DDC: variants seen among roughly 807,000 people sequenced by gnomAD.
The protein encoded by DDC is dopa decarboxylase.
DDC carries 43 observed loss-of-function variants against 60.0 expected under a neutral mutation model. That is an observed-to-expected ratio of 0.72 (90% CI 0.56 to 0.92). The LOEUF (loss-of-function observed/expected upper bound fraction) is 0.92, where lower values mean the gene tolerates loss of function less well. Among genes scored for constraint, DDC ranks in the 40% least tolerant of loss-of-function variants. The pLI, the probability that DDC is intolerant of heterozygous loss-of-function variation, is 0.00. For synonymous variants in DDC, 232 were observed against 234.6 expected, an observed-to-expected ratio of 0.99 and a Z score of 0.10; for missense variants, 573 against 620.2, an observed-to-expected ratio of 0.92 and a Z score of 0.81.
rs907758922 is a variant in DDC, at chr7:50,565,403, C to T, written c.-147G>A. 6.6e-6 allele frequency: 1 copy of T among 152,244 alleles called. No homozygotes were observed. Among genetic ancestry groups the T allele is most frequent in the Non-Finnish European group, 1.5e-5 (1 of 68,068 alleles). 9.4% of individuals were successfully genotyped at this position (152,244 alleles called of 1,614,324 possible). ...ACTCGGCACTGAGACAGTCACTCTTCTTGAAACTCCAAGCCACACGTTTCC... is the reference window on the plus strand; with the variant it reads ...ACTCGGCACTGAGACAGTCACTCTTTTTGAAACTCCAAGCCACACGTTTCC... On this transcript the variant is annotated 5_prime_UTR_variant, in exon 1 of 15. Coordinates refer to ENST00000444124, the MANE Select transcript of DDC (RefSeq NM_001082971.2).
Position 50,499,067 on chromosome 7 carries a change from G to A in DDC, c.876+81C>T, listed in dbSNP as rs1022033630. ...AACAAACCTCAATAGCAAGAGACTG[G>A]ACGTCAGCTCCTCATGAAGGGAGAG... On this transcript the variant is annotated intron_variant, in intron 8 of 14. Transcript: ENST00000444124. 66 of 1,094,906 alleles carry A rather than the reference G, an allele frequency of 6.0e-5. 1 individual carries two copies. Among genetic ancestry groups the A allele is most frequent in the Middle Eastern group, 2.0e-4 (1 of 5,102 alleles). 67.8% of individuals were successfully genotyped at this position (1,094,906 alleles called of 1,614,324 possible). A position where few individuals can be genotyped will look rare whatever the true frequency, so the allele number is the denominator to read the frequency against.
intron 1 of DDC, among the ~76,000 whole-genome samples, chr7:50,563,200 G>T (rs1362516973): frequency 6.6e-6 from 1 of 150,766 alleles, no homozygotes; most frequent in Non-Finnish European, 1.5e-5. Flanking sequence ...GACATACATA[G>T]CAATATTTGC....
At chr7:50,483,580 G>A (rs2042816431) in intron 9 of DDC, among the ~76,000 whole-genome samples, 2 of 152,092 alleles carry the variant, frequency 1.3e-5, no homozygotes, top group African/African-American at 4.8e-5. Flanking sequence ...TAAGTTTCCT[G>A]CAGTTTAGGA....
chr7:50,510,668 CAA>C (rs71018473), intron 6 of DDC, among the ~76,000 whole-genome samples: 1,773 of 99,630 alleles, frequency 0.018, 49 homozygotes, highest in African/African-American at 0.062. Context: ...GACTCCATCT[CAA>C]AAAAAAAAAA....
intron 1 of DDC, among the ~76,000 whole-genome samples, chr7:50,555,801 C>G (rs953382428): frequency 6.6e-6 from 1 of 152,114 alleles, no homozygotes; most frequent in Admixed American, 6.5e-5. Flanking sequence ...ACAACTGAAC[C>G]AAGACTCCAC....
intron 1 of DDC, among the ~76,000 whole-genome samples, chr7:50,560,439 G>A (rs1486479029): frequency 6.6e-6 from 1 of 152,046 alleles, no homozygotes; most frequent in African/African-American, 2.4e-5. Context: ...CTCATTTATT[G>A]AGCACCTATT....
At chr7:50,551,685 T>G (rs1159697821) in intron 1 of DDC, among the ~76,000 whole-genome samples, 1 of 152,232 alleles carries the variant, frequency 6.6e-6, no homozygotes, top group African/African-American at 2.4e-5. Flanking sequence ...AATATACTAA[T>G]AATTCTACTC....
rs537512494 is a variant in DDC at position 50,557,715 on chromosome 7, C to T, written c.-29+7570G>A. Among the ~76,000 whole-genome samples the T allele has an allele frequency of 3.3e-5, 5 of 152,308 alleles. No homozygotes were observed. In the South Asian group the frequency reaches 1.0e-3, roughly 32 times the overall value. On this transcript the variant is annotated intron_variant, in intron 1 of 14. Coordinates refer to ENST00000444124, the MANE Select transcript of DDC (RefSeq NM_001082971.2). ...CAGCACCGTCATGAGTAGATGCCAC[C>T]CCACCATCACCATATAGGTCGCACC...
At position 50,548,148 on chromosome 7, in the gene DDC, C is replaced by T. The variant is rs946386979; in HGVS notation, c.-28-4035G>A. On this transcript the variant is annotated intron_variant, in intron 1 of 14. Transcript: ENST00000444124. ...CTGACTGAACCACTGACCCATTATT[C>T]GCCTGTCTTTCTTCCTTTCCTTGGG... 3.9e-5 allele frequency among the ~76,000 whole-genome samples: 6 copies of T among 152,174 alleles called. No individual in the cohort carries two copies. The South Asian group carries it at 1.2e-3, about 32-fold the overall frequency.
At chr7:50,489,530 C>T (rs1488169692) in intron 9 of DDC, among the ~76,000 whole-genome samples, 2 of 152,142 alleles carry the variant, frequency 1.3e-5, no homozygotes, top group African/African-American at 2.4e-5. Flanking sequence ...ATACCAAGTC[C>T]AGCTAAATCT....
At chr7:50,469,651 A>G (rs181332177) in intron 12 of DDC, among the ~76,000 whole-genome samples, 112 of 152,212 alleles carry the variant, frequency 7.4e-4, no homozygotes, top group Admixed American at 1.6e-3. Flanking sequence ...AACCCAAACT[A>G]CAGTCTGGTT....
At chr7:50,479,059 A>G (rs2042710258) in intron 10 of DDC, among the ~76,000 whole-genome samples, 1 of 152,226 alleles carries the variant, frequency 6.6e-6, no homozygotes, top group Non-Finnish European at 1.5e-5. Flanking sequence ...TTTTGGTTCT[A>G]GTTCAACGCC....
intron 12 of DDC, among the ~76,000 whole-genome samples, chr7:50,468,237 T>C (rs540193272): frequency 6.6e-6 from 1 of 152,312 alleles, no homozygotes; most frequent in African/African-American, 2.4e-5. Flanking sequence ...TCATGGGCGA[T>C]CCCGAAAGCC....
intron 11 of DDC, among the ~76,000 whole-genome samples, chr7:50,475,814 G>A (rs568238168): frequency 2.6e-5 from 4 of 151,972 alleles, no homozygotes; most frequent in African/African-American, 4.8e-5. Flanking sequence ...CTCAGCCTCC[G>A]GGGTAGCTGG....
Position 50,539,817 on chromosome 7 carries a change from C to T in DDC, c.315+98G>A, listed in dbSNP as rs114074352. On this transcript the variant is annotated intron_variant, in intron 3 of 14. Transcript: ENST00000444124. ...TAGCCCGTCTGCCCACAGACAGCACCGCCATCTGCTCAGGTCCCTTGTGCA... is the reference window on the plus strand; with the variant it reads ...TAGCCCGTCTGCCCACAGACAGCACTGCCATCTGCTCAGGTCCCTTGTGCA... The T allele has an allele frequency of 1.3e-3, 1,171 of 868,608 alleles. 5 individuals carry two copies. The highest frequency in any genetic ancestry group is 0.012 in the Middle Eastern group (48 of 3,910). The allele number at this position is 868,608 out of a possible 1,614,324, so 53.8% of individuals were successfully genotyped here. A position where few individuals can be genotyped will look rare whatever the true frequency, so the allele number is the denominator to read the frequency against.
At chr7:50,534,592 C>T (rs570665763) in intron 4 of DDC, among the ~76,000 whole-genome samples, 3 of 137,706 alleles carry the variant, frequency 2.2e-5, no homozygotes, top group East Asian at 2.1e-4. Context: ...AATGAGACTT[C>T]GTCTAAAAAC....
chr7:50,537,747 G>A (rs2044467016), intron 4 of DDC, 113 bp downstream of exon 4: 1 of 1,377,094 alleles, frequency 7.3e-7, no homozygotes. Context: ...TTATTCTCCA[G>A]GAGAAATTTG....
intron 14 of DDC, among the ~76,000 whole-genome samples, chr7:50,462,237 A>AAAAAAAAAAAAG (rs1200678471): frequency 6.6e-6 from 1 of 150,488 alleles, no homozygotes; most frequent in African/African-American, 2.4e-5. Flanking sequence ...AAAAAAAAAA[A>AAAAAAAAAAAAG]AAAAAAAAAA....
At chr7:50,495,604 G>T (rs886979714) in intron 8 of DDC, among the ~76,000 whole-genome samples, 187 bp from the exon 9 acceptor site, 3 of 152,042 alleles carry the variant, frequency 2.0e-5, no homozygotes, top group Non-Finnish European at 4.4e-5. Flanking sequence ...TGCTGGAATT[G>T]TTCTACTCTT....
Sources: gnomAD v4.1 joint callset for allele counts (sites outside exome capture counted in the v4.1 genomes callset) on GRCh38, gnomAD v4.1.1 for gene constraint, MANE v1.5 for transcripts, NCBI Gene and HGNC (gene_info 2026-07-23, HGNC 2026-07-21) for gene names.